ARHGAP8: variants seen among roughly 807,000 people sequenced by gnomAD.
The protein encoded by ARHGAP8 is rho GTPase-activating protein 8.
Under a neutral mutation model 46.1 loss-of-function variants are expected in ARHGAP8, and 62 were observed. The observed-to-expected ratio is 1.34, with a 90% CI of 1.10 to 1.66. The LOEUF is 1.66. Among genes scored for constraint, ARHGAP8 ranks in the 40% most tolerant of loss-of-function variants. The pLI is 0.00. For synonymous variants in ARHGAP8, 375 were observed against 243.1 expected, an observed-to-expected ratio of 1.54 and a Z score of -5.05; for missense variants, 923 against 568.4, an observed-to-expected ratio of 1.62 and a Z score of -6.34.
At chr22:44,803,827 A>G (rs143361159) in intron 3 of ARHGAP8, among the ~76,000 whole-genome samples, 113 of 144,068 alleles carry the variant, frequency 7.8e-4, no homozygotes, top group African/African-American at 2.7e-3. Context: ...GCTCTCATAC[A>G]CACACACCTC....
At position 44,862,725 on chromosome 22, in the gene ARHGAP8, A is replaced by G; in HGVS notation, c.*130A>G. ...TTCAGAACCTTCTAATGAAAACTCC[A>G]TGCCTCTGGTCCTTGGACTCTTGTC... is the stretch of plus-strand genomic sequence containing the variant. On this transcript the variant is annotated 3_prime_UTR_variant, in exon 12 of 12. Transcript: ENST00000356099. 8.8e-7 allele frequency: 1 copy of G among 1,141,062 alleles called. No homozygotes were observed. Among genetic ancestry groups the G allele is most frequent in the Non-Finnish European group, 1.2e-6 (1 of 836,374 alleles). The allele number at this position is 1,141,062 out of a possible 1,614,324, so 70.7% of individuals were successfully genotyped here.
Position 44,862,309 on chromosome 22 carries a change from G to A in ARHGAP8, c.1016G>A (p.Ser339Asn), listed in dbSNP as rs774557101. 6.2e-7 allele frequency: 1 copy of A among 1,612,224 alleles called. No individual in the cohort carries two copies. Among genetic ancestry groups the A allele is most frequent in the Non-Finnish European group, 8.5e-7 (1 of 1,178,732 alleles). The change falls in exon 12 of 12, where the codon AGC becomes AAC. Residue 339 changes from serine to asparagine, a missense_variant. Transcript: ENST00000356099. ...SRESIFNKMN[S>N]SNLACVFGLN... ...GAGAGCATCTTCAACAAAATGAACAGCTCTAACCTGGCCTGTGTCTTCGGG... is the reference window on the plus strand; with the variant it reads ...GAGAGCATCTTCAACAAAATGAACAACTCTAACCTGGCCTGTGTCTTCGGG...
chr22:44,825,483 G>T lies in ARHGAP8; in HGVS notation c.486G>T (p.Arg162=), dbSNP rs1044642170. The T allele has an allele frequency of 3.1e-6, 5 of 1,612,760 alleles. No homozygotes were observed. In the African/African-American group the frequency reaches 5.3e-5, roughly 17 times the overall value. ...DQLVIPPEVL[R]YDEKLQSLHE... ...ATCCCAGCCTCTGTTGTGTCTACAG[G>T]TACGATGAGAAGCTCCAGAGCCTGC... Residue 162 remains arginine (R), a splice_region_variant and synonymous_variant, in exon 7 of 12, where the codon CGG becomes CGT. Coordinates refer to ENST00000356099, the MANE Select transcript of ARHGAP8 (RefSeq NM_181335.3).
intron 1 of ARHGAP8, among the ~76,000 whole-genome samples, chr22:44,771,316 G>C (rs1206787910): frequency 7.5e-6 from 1 of 133,660 alleles, no homozygotes. Context: ...CCATGATCTC[G>C]GCTCACTGCA....
chr22:44,771,545 C>CT (rs1339160930), intron 1 of ARHGAP8, among the ~76,000 whole-genome samples: 9 of 146,330 alleles, frequency 6.2e-5, no homozygotes, highest in Non-Finnish European at 1.1e-4. Context: ...CCCTGCCTGG[C>CT]TTTTTTTTTA....
At chr22:44,837,032 G>A (rs1035321911) in intron 7 of ARHGAP8, among the ~76,000 whole-genome samples, 6 of 152,138 alleles carry the variant, frequency 3.9e-5, no homozygotes, top group South Asian at 2.1e-4. Context: ...CTACAGGCGC[G>A]TGCCACCGTA....
At chr22:44,845,454 G>A (rs997195442) in intron 8 of ARHGAP8, 112 bp downstream of exon 8, 3 of 1,452,060 alleles carry the variant, frequency 2.1e-6, no homozygotes, top group Non-Finnish European at 2.8e-6. Flanking sequence ...GACCAGGAAG[G>A]GAGGGGCTCA....
At chr22:44,854,544 T>C (rs1353516651) in intron 10 of ARHGAP8, among the ~76,000 whole-genome samples, 1 of 152,124 alleles carries the variant, frequency 6.6e-6, no homozygotes, top group Non-Finnish European at 1.5e-5. Context: ...TTGTTATGCA[T>C]TTTTAACCCT....
At chr22:44,782,503 C>T (rs1926916618) in intron 1 of ARHGAP8, among the ~76,000 whole-genome samples, 1 of 152,068 alleles carries the variant, frequency 6.6e-6, no homozygotes, top group Admixed American at 6.5e-5. Context: ...CCCCTGCCCT[C>T]CCTCCCTCCA....
At chr22:44,784,772 C>T (rs1295918921) in intron 1 of ARHGAP8, among the ~76,000 whole-genome samples, 1 of 152,250 alleles carries the variant, frequency 6.6e-6, no homozygotes, top group African/African-American at 2.4e-5. Flanking sequence ...TGGGAGGCCT[C>T]TGTTCTGCCC....
chr22:44,808,844 G>A, intron 4 of ARHGAP8: 1 of 367,238 alleles, frequency 2.7e-6, no homozygotes, highest in Non-Finnish European at 5.3e-6. Flanking sequence ...AACAGAGACA[G>A]TCTCGCCCTG....
Position 44,813,244 on chromosome 22 carries a change from A to G in ARHGAP8, c.300-1428A>G, listed in dbSNP as rs1183506610. 6.6e-5 allele frequency among the ~76,000 whole-genome samples: 10 copies of G among 151,870 alleles called. No individual in the cohort carries two copies. In the East Asian group the frequency reaches 1.9e-3, roughly 29 times the overall value. On this transcript the variant is annotated intron_variant, in intron 4 of 11. Coordinates refer to ENST00000356099, the MANE Select transcript of ARHGAP8 (RefSeq NM_181335.3). ...AGGGTATGTGTGTGTGAATGTACAT[A>G]TACATACACTTACACACACACACAC...
chr22:44,830,093 T>A (rs1602236902), intron 7 of ARHGAP8, among the ~76,000 whole-genome samples: 1 of 150,550 alleles, frequency 6.6e-6, no homozygotes, highest in African/African-American at 2.4e-5. Flanking sequence ...GCACGATCTC[T>A]GCTCACTGCA....
chr22:44,842,438 CATAG>C (rs1030451536), intron 7 of ARHGAP8, among the ~76,000 whole-genome samples: 1 of 152,194 alleles, frequency 6.6e-6, no homozygotes, highest in Non-Finnish European at 1.5e-5. Context: ...AATTCCTAGA[CATAG>C]ATTCACTGGA....
intron 1 of ARHGAP8, among the ~76,000 whole-genome samples, chr22:44,784,279 C>T (rs916966887): frequency 6.6e-6 from 1 of 152,068 alleles, no homozygotes; most frequent in Non-Finnish European, 1.5e-5. Flanking sequence ...TGGTGCATGC[C>T]TGTAATTCCA....
chr22:44,822,201 C>A (rs936608800), intron 5 of ARHGAP8, among the ~76,000 whole-genome samples, 170 bp from the exon 6 acceptor site: 1 of 152,096 alleles, frequency 6.6e-6, no homozygotes, highest in Non-Finnish European at 1.5e-5. Context: ...TATCTCCCGG[C>A]GTGCGCTGCT....
chr22:44,848,835 A>G, intron 9 of ARHGAP8, 97 bp from the exon 10 acceptor site: 1 of 1,571,282 alleles, frequency 6.4e-7, no homozygotes, highest in Admixed American at 1.7e-5. Context: ...GGTGCGTCCC[A>G]TCCGGACATC....
chr22:44,811,494 C>T (rs9626248), intron 4 of ARHGAP8, among the ~76,000 whole-genome samples: 3,196 of 152,236 alleles, frequency 0.021, 114 homozygotes, highest in African/African-American at 0.073. Context: ...AGGTGGCAGC[C>T]GTGGCCTTCA....
At chr22:44,848,513 G>A (rs1011203801) in intron 9 of ARHGAP8, among the ~76,000 whole-genome samples, 37 of 152,230 alleles carry the variant, frequency 2.4e-4, no homozygotes, top group African/African-American at 8.7e-4. Flanking sequence ...ACTTGCCCTC[G>A]CTCCCACTCG....
Sources: gnomAD v4.1 joint callset for allele counts (sites outside exome capture counted in the v4.1 genomes callset) on GRCh38, gnomAD v4.1.1 for gene constraint, MANE v1.5 for transcripts, NCBI Gene and HGNC (gene_info 2026-07-23, HGNC 2026-07-21) for gene names.